Variants in PATJ observed in about 807,000 individuals in gnomAD.
PATJ encodes PATJ crumbs cell polarity complex component.
In PATJ, 190 loss-of-function variants were observed where a neutral mutation model predicts 224.9. That is an observed-to-expected ratio of 0.84 (90% confidence interval 0.75 to 0.95). PATJ has a LOEUF of 0.95. PATJ is among the 40% of genes least tolerant of loss of function. PATJ has a pLI of 0.00. For synonymous variants in PATJ, 769 were observed against 820.3 expected (o/e 0.94, Z 1.07); for missense variants, 2,121 against 2,270.3 (o/e 0.93, Z 1.34).
At chr1:61,984,017 G>A (rs954225081) in intron 27 of PATJ, among the ~76,000 whole-genome samples, 1 of 151,788 alleles carries the variant, frequency 6.6e-6, no homozygotes, top group African/African-American at 2.4e-5. Flanking sequence ...TAGAGATGGA[G>A]TCTTGCTATA....
intron 21 of PATJ, among the ~76,000 whole-genome samples, chr1:61,882,725 A>G (rs1668272592): frequency 6.6e-6 from 1 of 152,140 alleles, no homozygotes; most frequent in African/African-American, 2.4e-5. Flanking sequence ...AGTTGAGATT[A>G]CAGGCGTGCT....
intron 24 of PATJ, 141 bp from the exon 25 acceptor site, chr1:61,908,231 G>A (rs779302975): frequency 1.9e-5 from 11 of 587,368 alleles, no homozygotes; most frequent in South Asian, 4.5e-5. Context: ...GCTTTTTATG[G>A]GCCAATCTTA....
chr1:62,130,893 T>A (rs1666195537), intron 41 of PATJ, among the ~76,000 whole-genome samples: 1 of 152,122 alleles, frequency 6.6e-6, no homozygotes, highest in South Asian at 2.1e-4. Context: ...AGAAGCAATT[T>A]GTGGTGTTTT....
At chr1:61,801,481 T>G (rs1652479198) in intron 11 of PATJ, 142 bp from the exon 12 acceptor site, 1 of 460,174 alleles carries the variant, frequency 2.2e-6, no homozygotes, top group Middle Eastern at 6.2e-4. Flanking sequence ...TATATATAAG[T>G]TACCTCAGAT....
intron 41 of PATJ, 140 bp from the exon 42 acceptor site, chr1:62,148,141 AGTT>A: frequency 2.1e-6 from 1 of 471,914 alleles, no homozygotes; most frequent in Non-Finnish European, 3.9e-6. Context: ...AAAAAAAAAA[AGTT>A]TGAGAGAATA....
intron 31 of PATJ, among the ~76,000 whole-genome samples, chr1:62,076,151 G>A (rs1019404922): frequency 5.9e-5 from 9 of 151,940 alleles, no homozygotes; most frequent in African/African-American, 1.9e-4. Context: ...TTGAGACATC[G>A]TTTAAAGTTA....
chr1:62,070,146 A>G (rs978852253), intron 31 of PATJ, among the ~76,000 whole-genome samples: 2 of 152,208 alleles, frequency 1.3e-5, no homozygotes, highest in Non-Finnish European at 2.9e-5. Flanking sequence ...TTGCAGATCT[A>G]CAATATCATT....
intron 39 of PATJ, among the ~76,000 whole-genome samples, chr1:62,125,205 C>G (rs1665541425): frequency 7.1e-6 from 1 of 140,792 alleles, no homozygotes; most frequent in Admixed American, 7.7e-5. Flanking sequence ...CCACTGCACT[C>G]CAGCCTGGGT....
At chr1:61,803,654 T>A (rs912332444) in intron 12 of PATJ, among the ~76,000 whole-genome samples, 5 of 152,214 alleles carry the variant, frequency 3.3e-5, no homozygotes, top group African/African-American at 1.2e-4. Flanking sequence ...TTTGGTTATA[T>A]ATGCAAAAAT....
At chr1:61,938,689 AAAAT>A (rs1477514102) in intron 27 of PATJ, among the ~76,000 whole-genome samples, 1 of 152,076 alleles carries the variant, frequency 6.6e-6, no homozygotes, top group South Asian at 2.1e-4. Flanking sequence ...ATCTCTGTTA[AAAAT>A]AAATAAATAA....
At chr1:62,089,976 T>C (rs1406060205) in intron 33 of PATJ, among the ~76,000 whole-genome samples, 1 of 152,166 alleles carries the variant, frequency 6.6e-6, no homozygotes, top group East Asian at 1.9e-4. Flanking sequence ...TGTGTCTTCT[T>C]TGTTGTGTGT....
chr1:61,932,597 C>A (rs144902927), intron 27 of PATJ, among the ~76,000 whole-genome samples: 10 of 152,268 alleles, frequency 6.6e-5, no homozygotes, highest in Admixed American at 2.6e-4. Context: ...AAAGAGGACG[C>A]TTGATAAAAT....
intron 27 of PATJ, among the ~76,000 whole-genome samples, chr1:61,945,272 A>G (rs1260454866): frequency 1.3e-5 from 2 of 152,210 alleles, no homozygotes; most frequent in African/African-American, 4.8e-5. Context: ...ATTAAAAGAC[A>G]CAGACTAGCA....
intron 31 of PATJ, among the ~76,000 whole-genome samples, chr1:62,068,879 C>G (rs1222236642): frequency 6.6e-6 from 1 of 152,248 alleles, no homozygotes; most frequent in Non-Finnish European, 1.5e-5. Context: ...GATGACCTTT[C>G]TACAACATTT....
intron 30 of PATJ, among the ~76,000 whole-genome samples, chr1:62,048,563 A>G (rs1434818001): frequency 3.0e-4 from 40 of 132,532 alleles, no homozygotes; most frequent in Non-Finnish European, 4.7e-4. Flanking sequence ...AAAAAAAAAA[A>G]AAAAAAAGAA....
intron 1 of PATJ, among the ~76,000 whole-genome samples, chr1:61,756,227 A>G (rs183629295): frequency 7.2e-4 from 110 of 152,294 alleles, no homozygotes; most frequent in Middle Eastern, 3.4e-3. Flanking sequence ...ACTTGGAGTA[A>G]CTGTGGTCTT....
At chr1:61,896,295 CA>C (rs386367129) in intron 22 of PATJ, among the ~76,000 whole-genome samples, 34 of 143,994 alleles carry the variant, frequency 2.4e-4, no homozygotes, top group Admixed American at 5.5e-4. Context: ...GACTCCATCT[CA>C]AAAAAAAAAA....
At chr1:62,096,224 T>A (rs1031957173) in intron 33 of PATJ, among the ~76,000 whole-genome samples, 1 of 150,950 alleles carries the variant, frequency 6.6e-6, no homozygotes, top group African/African-American at 2.4e-5. Context: ...CTTTTTCAAC[T>A]CCAGCTGGGA....
intron 30 of PATJ, among the ~76,000 whole-genome samples, chr1:62,050,639 T>G (rs564496722): frequency 2.0e-5 from 3 of 152,296 alleles, no homozygotes; most frequent in African/African-American, 7.2e-5. Context: ...TGGCCAGAAC[T>G]GACAAAATCT....
Sources: gnomAD v4.1 joint callset for allele counts (sites outside exome capture counted in the v4.1 genomes callset) on GRCh38, gnomAD v4.1.1 for gene constraint, MANE v1.5 for transcripts, NCBI Gene and HGNC (gene_info 2026-07-23, HGNC 2026-07-21) for gene names.